Variants in NET1 observed in about 807,000 individuals in gnomAD.
NET1 encodes neuroepithelial cell-transforming gene 1 protein.
NET1 carries 42 observed loss-of-function variants against 61.1 expected under a neutral mutation model. The ratio of observed to expected loss-of-function variants is 0.69; its 90% CI spans 0.54 to 0.89. The LOEUF (loss-of-function observed/expected upper bound fraction) is 0.89, where lower values mean the gene tolerates loss of function less well. Among genes scored for constraint, NET1 ranks in the 40% least tolerant of loss-of-function variants. The probability of loss-of-function intolerance (pLI) is 0.00; values close to 1 mark genes in which losing one functional copy is unlikely to be tolerated. For synonymous variants in NET1, 254 were observed against 281.8 expected, an observed-to-expected ratio of 0.90 and a Z score of 0.99; for missense variants, 654 against 747.3, an observed-to-expected ratio of 0.88 and a Z score of 1.46.
chr10:5,420,034 T>C lies in NET1; in HGVS notation c.129-6621T>C, dbSNP rs7915838. Among the ~76,000 whole-genome samples the C allele has an allele frequency of 0.97, 147,686 of 152,258 alleles. 71,740 individuals carry two copies. Among genetic ancestry groups the C allele is most frequent in the Non-Finnish European group, 1 (67,984 of 68,036 alleles). On this transcript the variant is annotated intron_variant, in intron 1 of 11. Coordinates refer to ENST00000355029, the MANE Select transcript of NET1 (RefSeq NM_001047160.3). This position sits in a 1 kb window ranked among gnomAD's most constrained non-coding sequence, Gnocchi z 5.3. ...TACTTGAAGTTTATTGAGCTTTTTC[T>C]GAATGTGTAGGTGGTTGTTTTTCAA...
At chr10:5,419,342 G>T (rs1220001229) in intron 1 of NET1, among the ~76,000 whole-genome samples, 4 of 147,440 alleles carry the variant, frequency 2.7e-5, no homozygotes, top group South Asian at 4.3e-4. Flanking sequence ...TTGGTTGGTT[G>T]GTTTTGATCC....
At position 5,431,028 on chromosome 10, in the gene NET1, C is replaced by T. The variant is rs908864482; in HGVS notation, c.255+1799C>T. ...CTGGGATTACAGGTGCCCGCCACCA[C>T]GCCCGGCTAATTTTTTGTATTTTCA... is the stretch of plus-strand genomic sequence containing the variant. On this transcript the variant is annotated intron_variant, in intron 3 of 11. Transcript: ENST00000355029. The surrounding 1 kb of genome is among the most constrained non-coding windows in gnomAD (Gnocchi z 4.9). Among the ~76,000 whole-genome samples, 10 of 151,496 alleles carry T rather than the reference C, an allele frequency of 6.6e-5. No homozygotes were observed. The highest frequency in any genetic ancestry group is 2.1e-4 in the South Asian group (1 of 4,770).
chr10:5,452,343 C>G lies in NET1; in HGVS notation c.364-15C>G. 1 of 1,543,462 alleles carries G rather than the reference C, an allele frequency of 6.5e-7. No individual in the cohort carries two copies. Among genetic ancestry groups the G allele is most frequent in the Non-Finnish European group, 8.8e-7 (1 of 1,140,946 alleles). On this transcript the variant is annotated splice_polypyrimidine_tract_variant and intron_variant, in intron 4 of 11. Transcript: ENST00000355029. This position sits in a 1 kb window ranked among gnomAD's most constrained non-coding sequence, Gnocchi z 4.0. ...AAATCTTATTTTCTCTTTTGTTCAC[C>G]TTTTCTTTTTTAAGTCATTTACCCT...
At position 5,442,708 on chromosome 10, in the gene NET1, A is replaced by G. The variant is rs560059465; in HGVS notation, c.256-9122A>G. On this transcript the variant is annotated intron_variant, in intron 3 of 11. Coordinates refer to ENST00000355029, the MANE Select transcript of NET1 (RefSeq NM_001047160.3). ...CCAGGAATTCGAGACCAGCCTGGCC[A>G]ACATGGTAAAACCCCATCTCTACTA... Among the ~76,000 whole-genome samples, 6 of 152,236 alleles carry G rather than the reference A, an allele frequency of 3.9e-5. No homozygotes were observed. In the South Asian group the frequency reaches 1.2e-3, roughly 32 times the overall value.
Position 5,420,256 on chromosome 10 carries a change from G to A in NET1, c.129-6399G>A, listed in dbSNP as rs1434761002. On this transcript the variant is annotated intron_variant, in intron 1 of 11. Transcript: ENST00000355029. This position sits in a 1 kb window ranked among gnomAD's most constrained non-coding sequence, Gnocchi z 5.3. Reference sequence around the variant, plus strand: ...TTAAAGTAATGGGCAAGTATACATGGATGTATGTACAAGAAAGTATATCCT... The same window carrying A: ...TTAAAGTAATGGGCAAGTATACATGAATGTATGTACAAGAAAGTATATCCT... Among the ~76,000 whole-genome samples, 2 of 152,200 alleles carry A rather than the reference G, an allele frequency of 1.3e-5. No individual in the cohort carries two copies. The highest frequency in any genetic ancestry group is 2.9e-5 in the Non-Finnish European group (2 of 68,048).
chr10:5,413,394 G>A (rs371325630), intron 1 of NET1, among the ~76,000 whole-genome samples: 67 of 152,264 alleles, frequency 4.4e-4, no homozygotes, highest in African/African-American at 1.5e-3. Context: ...CTATTAGAGA[G>A]TTCATCACAA....
chr10:5,418,410 A>G (rs982198716), intron 1 of NET1, among the ~76,000 whole-genome samples: 1 of 151,998 alleles, frequency 6.6e-6, no homozygotes, highest in Non-Finnish European at 1.5e-5. Flanking sequence ...TGTTTCATCA[A>G]AGTTATCTAA....
chr10:5,444,842 T>G lies in NET1; in HGVS notation c.256-6988T>G, dbSNP rs1236200562. Among the ~76,000 whole-genome samples, 1 of 152,224 alleles carries G rather than the reference T, an allele frequency of 6.6e-6. No homozygotes were observed. Among genetic ancestry groups the G allele is most frequent in the Non-Finnish European group, 1.5e-5 (1 of 68,034 alleles). ...CAGAATATTTTCATTTGCATGTTCTTCCACCGCCTCACACTCAGTATATCT... is the reference window on the plus strand; with the variant it reads ...CAGAATATTTTCATTTGCATGTTCTGCCACCGCCTCACACTCAGTATATCT... On this transcript the variant is annotated intron_variant, in intron 3 of 11. Coordinates refer to ENST00000355029, the MANE Select transcript of NET1 (RefSeq NM_001047160.3). The surrounding 1 kb of genome is among the most constrained non-coding windows in gnomAD (Gnocchi z 5.3).
rs149774683 is a variant in NET1 at position 5,423,362 on chromosome 10, A to C, written c.129-3293A>C. ...AATTTGGCTTAAGAATGAATTAACA[A>C]GATGCTTTTCTTTTGAACAGCAGCT... On this transcript the variant is annotated intron_variant, in intron 1 of 11. Coordinates refer to ENST00000355029, the MANE Select transcript of NET1 (RefSeq NM_001047160.3). The surrounding 1 kb of genome is among the most constrained non-coding windows in gnomAD (Gnocchi z 4.4). 4.7e-3 allele frequency among the ~76,000 whole-genome samples: 717 copies of C among 152,348 alleles called. 3 individuals carry two copies. Among genetic ancestry groups the C allele is most frequent in the African/African-American group, 0.016 (684 of 41,590 alleles).
chr10:5,429,541 A>C (rs1832315810), intron 3 of NET1, among the ~76,000 whole-genome samples: 1 of 152,200 alleles, frequency 6.6e-6, no homozygotes, highest in Admixed American at 6.5e-5. Flanking sequence ...GGTGGTGAAA[A>C]GGAGAGCCCC....
intron 2 of NET1, among the ~76,000 whole-genome samples, chr10:5,428,634 C>T (rs1832298112): frequency 1.3e-5 from 2 of 151,880 alleles, no homozygotes; most frequent in African/African-American, 4.8e-5. Context: ...AGCCACTTCA[C>T]AGCAGTGATG....
intron 3 of NET1, among the ~76,000 whole-genome samples, chr10:5,438,639 TG>T (rs1200229599): frequency 8.5e-5 from 13 of 152,236 alleles, no homozygotes; most frequent in African/African-American, 2.4e-4. Flanking sequence ...ATGGCTTTAC[TG>T]GTAAATTCTA....
At position 5,458,067 on chromosome 10, in the gene NET1, C is replaced by T. The variant is rs905715833; in HGVS notation, c.*1073C>T. 1 of 151,950 alleles carries T rather than the reference C, an allele frequency of 6.6e-6. No homozygotes were observed. The highest frequency in any genetic ancestry group is 1.5e-5 in the Non-Finnish European group (1 of 68,008). 9.4% of individuals were successfully genotyped at this position (151,950 alleles called of 1,614,324 possible). On this transcript the variant is annotated 3_prime_UTR_variant, in exon 12 of 12. Transcript: ENST00000355029. The surrounding 1 kb of genome is among the most constrained non-coding windows in gnomAD (Gnocchi z 4.5). Reference sequence around the variant, plus strand: ...AGATAGGAGAAGCTCAACTTGAGGGCGTGTAGTAAGTTGTAGAAGGCTCGA... The same window carrying T: ...AGATAGGAGAAGCTCAACTTGAGGGTGTGTAGTAAGTTGTAGAAGGCTCGA...
In NET1 at chr10:5,416,706, C is replaced by T. The variant is rs114000020; in HGVS notation, c.128+3886C>T. Among the ~76,000 whole-genome samples the T allele has an allele frequency of 0.014, 2,175 of 152,250 alleles. 59 individuals carry two copies. The highest frequency in any genetic ancestry group is 0.049 in the African/African-American group (2,052 of 41,536). ...ATGGGAAAAGTTCCCTTTTCCCCCT[C>T]GCAGGGCGTGCACTGGAGGTGTGCT... On this transcript the variant is annotated intron_variant, in intron 1 of 11. Transcript: ENST00000355029. The surrounding 1 kb of genome is among the most constrained non-coding windows in gnomAD (Gnocchi z 6.1).
chr10:5,437,325 T>C lies in NET1; in HGVS notation c.255+8096T>C, dbSNP rs529802585. On this transcript the variant is annotated intron_variant, in intron 3 of 11. Coordinates refer to ENST00000355029, the MANE Select transcript of NET1 (RefSeq NM_001047160.3). The surrounding 1 kb of genome is among the most constrained non-coding windows in gnomAD (Gnocchi z 4.3). The stretch of plus-strand genomic sequence containing the variant: ...TTGCTTTTTTTAATTTATGTTTTAT[T>C]GGTACATATAAAGCAGGCTCCCTAA... 3.3e-4 allele frequency among the ~76,000 whole-genome samples: 50 copies of C among 152,294 alleles called. No individual in the cohort carries two copies. The South Asian group carries it at 5.2e-3, about 16-fold the overall frequency.
Position 5,417,750 on chromosome 10 carries a change from C to A in NET1, c.128+4930C>A, listed in dbSNP as rs1832105888. Among the ~76,000 whole-genome samples the A allele has an allele frequency of 6.6e-6, 1 of 152,162 alleles. No individual in the cohort carries two copies. The highest frequency in any genetic ancestry group is 6.5e-5 in the Admixed American group (1 of 15,276). On this transcript the variant is annotated intron_variant, in intron 1 of 11. Transcript: ENST00000355029. The surrounding 1 kb of genome is among the most constrained non-coding windows in gnomAD (Gnocchi z 5.5). Reference sequence around the variant, plus strand: ...GAGACGGGAAATTCTTGTCTTGTTTCTGATCTTAAGGGGAAAGCATACAAT... The same window carrying A: ...GAGACGGGAAATTCTTGTCTTGTTTATGATCTTAAGGGGAAAGCATACAAT...
chr10:5,418,527 T>A (rs1309689294), intron 1 of NET1, among the ~76,000 whole-genome samples: 3 of 152,128 alleles, frequency 2.0e-5, no homozygotes, highest in African/African-American at 7.2e-5. Context: ...AATTTGTGTC[T>A]TCTTTCTTTT....
Position 5,456,213 on chromosome 10 carries a change from C to T in NET1, c.1324C>T (p.Gln442Ter). ...CCAAGAGCTAGTCCTAGAAGACCTG[C>T]AGGATGGAGATGTGAGAATGGGAGG... is the stretch of plus-strand genomic sequence containing the variant. ...PVQELVLEDLQDGDVRMGGSF... is the reference protein window; with the variant it reads ...PVQELVLEDL Residue 442 changes from glutamine (Q) to a stop codon, truncating the protein, a stop_gained, in exon 11 of 12, where the codon CAG (glutamine) becomes TAG (stop). Transcript: ENST00000355029. LOFTEE classifies it high-confidence loss of function. This position sits in a 1 kb window ranked among gnomAD's most constrained non-coding sequence, Gnocchi z 7.0. The T allele has an allele frequency of 6.2e-7, 1 of 1,614,168 alleles. No homozygotes were observed. The highest frequency in any genetic ancestry group is 8.5e-7 in the Non-Finnish European group (1 of 1,180,034).
Position 5,424,618 on chromosome 10 carries a change from G to A in NET1, c.129-2037G>A, listed in dbSNP as rs533324320. Among the ~76,000 whole-genome samples the A allele has an allele frequency of 4.6e-5, 7 of 152,246 alleles. No individual in the cohort carries two copies. In the South Asian group the frequency reaches 1.0e-3, roughly 23 times the overall value. ...ATTGTTTTGCGCCACTAAAGAGGCC[G>A]TCAAAAATAGTTTGAGCTCCATGAG... is the stretch of plus-strand genomic sequence containing the variant. On this transcript the variant is annotated intron_variant, in intron 1 of 11. Transcript: ENST00000355029. This position sits in a 1 kb window ranked among gnomAD's most constrained non-coding sequence, Gnocchi z 6.1.
Sources: allele counts gnomAD v4.1 joint callset (sites outside exome capture counted in the v4.1 genomes callset), GRCh38; gene constraint gnomAD v4.1.1; non-coding constraint Gnocchi (gnomAD v3.1); transcripts MANE v1.5; gene names NCBI Gene and HGNC (gene_info 2026-07-23, HGNC 2026-07-21).